NHSL1: variants seen among roughly 807,000 people sequenced by gnomAD.
The protein encoded by NHSL1 is NHS like 1, also known as NHS-like protein 1.
In NHSL1, 48 loss-of-function variants were observed where a neutral mutation model predicts 95.0. That is an observed-to-expected ratio of 0.51 (90% confidence interval 0.40 to 0.64). The LOEUF is 0.64. NHSL1 is among the 30% of genes least tolerant of loss of function. The pLI, the probability that NHSL1 is intolerant of heterozygous loss-of-function variation, is 0.00. For missense variants in NHSL1, 1,971 were observed against 2,077.7 expected, an observed-to-expected ratio of 0.95 and a Z score of 1.00; for synonymous variants, 783 against 833.9, an observed-to-expected ratio of 0.94 and a Z score of 1.05.
chr6:138,674,504 G>A (rs1051347669), intron 1 of NHSL1, among the ~76,000 whole-genome samples: 4 of 151,982 alleles, frequency 2.6e-5, no homozygotes, highest in African/African-American at 9.7e-5. Flanking sequence ...AGTAAGTGTT[G>A]TTCCCCTCCC....
At chr6:138,651,660 T>G (rs943469673) in intron 1 of NHSL1, among the ~76,000 whole-genome samples, 1 of 152,222 alleles carries the variant, frequency 6.6e-6, no homozygotes, top group African/African-American at 2.4e-5. Context: ...TATACTCATG[T>G]GAAGGATCTC....
In NHSL1 at chr6:138,431,810, G is replaced by A. The variant is rs753836688; in HGVS notation, c.2535C>T (p.Val845=). Residue 845 remains valine, a synonymous_variant, in exon 6 of 8, where the codon GTC becomes GTT. Transcript: ENST00000343505. The surrounding 1 kb of genome is among the most constrained non-coding windows in gnomAD (Gnocchi z 4.0). ...KIMSPEKSHR[V]ISPSSGYSSQ... ...TGGAATACCCACTGGATGGAGAAAT[G>A]ACTCTGTGTGACTTCTCTGGTGACA... The A allele has an allele frequency of 1.7e-5, 27 of 1,551,568 alleles. 1 individual carries two copies. In the South Asian group the frequency reaches 2.1e-4, roughly 12 times the overall value.
chr6:138,424,599 G>A lies in NHSL1; in HGVS notation c.4303C>T (p.Arg1435Cys). Reference protein sequence around the residue: ...KKGSRSDTSARMSAAEMLKNT... With the variant: ...KKGSRSDTSACMSAAEMLKNT... ...TTGAGCATCTCTGCTGCAGACATGC[G>A]GGCGCTGGTGTCTGAACGACTGCCC... Residue 1435 changes from arginine (R) to cysteine (C), a missense_variant, in exon 8 of 8, where the codon CGC becomes TGC. Arg to Cys is a radical substitution (Grantham distance 180). Transcript: ENST00000343505. The surrounding 1 kb of genome is among the most constrained non-coding windows in gnomAD (Gnocchi z 5.9). The A allele has an allele frequency of 6.4e-7, 1 of 1,551,554 alleles. No individual in the cohort carries two copies. Among genetic ancestry groups the A allele is most frequent in the Non-Finnish European group, 8.7e-7 (1 of 1,146,942 alleles).
chr6:138,658,099 A>C (rs972601914), intron 1 of NHSL1, among the ~76,000 whole-genome samples: 12 of 152,108 alleles, frequency 7.9e-5, no homozygotes, highest in African/African-American at 2.9e-4. Context: ...ATGGTCCATA[A>C]ATGAGGCTAT....
upstream of NHSL1, among the ~76,000 whole-genome samples, chr6:138,546,347 T>C (rs537629499): frequency 1.1e-4 from 16 of 144,572 alleles, 2 homozygotes; most frequent in South Asian, 3.5e-3. Context: ...TCCCAGAACT[T>C]TGGGAGACCA....
chr6:138,467,316 C>A (rs1427080098), intron 3 of NHSL1, among the ~76,000 whole-genome samples: 2 of 151,964 alleles, frequency 1.3e-5, no homozygotes, highest in Non-Finnish European at 2.9e-5. Flanking sequence ...CCTCGCCTGG[C>A]TAATTTTTTG....
At chr6:138,468,842 G>A (rs1778563570) in intron 3 of NHSL1, among the ~76,000 whole-genome samples, 1 of 152,174 alleles carries the variant, frequency 6.6e-6, no homozygotes, top group Non-Finnish European at 1.5e-5. Context: ...ATTACACAAT[G>A]CATGACTGTA....
At chr6:138,502,495 T>G (rs572878969), upstream of NHSL1, among the ~76,000 whole-genome samples, 1 of 152,220 alleles carries the variant, frequency 6.6e-6, no homozygotes, top group African/African-American at 2.4e-5. Flanking sequence ...AAAAAAAGTT[T>G]TTATAAAGAT....
At chr6:138,496,690 T>C (rs1780373611) in intron 1 of NHSL1, among the ~76,000 whole-genome samples, 1 of 152,160 alleles carries the variant, frequency 6.6e-6, no homozygotes, top group Non-Finnish European at 1.5e-5. Flanking sequence ...GATAGAGACC[T>C]CCAATTCCTA....
intron 3 of NHSL1, among the ~76,000 whole-genome samples, chr6:138,469,972 G>C (rs774648407): frequency 5.3e-5 from 8 of 152,066 alleles, no homozygotes; most frequent in Non-Finnish European, 1.0e-4. Context: ...GGGAGTGGGG[G>C]AGGCAGGAAG....
At chr6:138,496,106 T>C (rs1050278818) in intron 2 of NHSL1, 113 bp downstream of exon 2, 32 of 1,152,114 alleles carry the variant, frequency 2.8e-5, no homozygotes, top group Admixed American at 4.7e-5. Context: ...TATAAAGACG[T>C]AGCATACTAT....
At chr6:138,464,306 G>A in intron 3 of NHSL1, 1 of 674,058 alleles carries the variant, frequency 1.5e-6, no homozygotes, top group Non-Finnish European at 2.6e-6. Flanking sequence ...GGCGGACTGG[G>A]CCCTCAGCGC....
At chr6:138,458,558 G>T (rs1176262244) in intron 3 of NHSL1, among the ~76,000 whole-genome samples, 1 of 152,052 alleles carries the variant, frequency 6.6e-6, no homozygotes, top group Non-Finnish European at 1.5e-5. Context: ...GCTGGGCGTG[G>T]TGGCTCACAC....
chr6:138,499,551 C>T (rs1226023627), upstream of NHSL1: 3 of 582,944 alleles, frequency 5.1e-6, no homozygotes, highest in East Asian at 9.8e-5. Context: ...TGACATCGTG[C>T]GCTGAAAGAA....
intron 3 of NHSL1, among the ~76,000 whole-genome samples, chr6:138,455,514 C>T (rs62432503): frequency 5.3e-4 from 39 of 73,168 alleles, no homozygotes; most frequent in Non-Finnish European, 7.6e-4. Flanking sequence ...TTCACATGCT[C>T]CCTGCAAGGA....
intron 1 of NHSL1, among the ~76,000 whole-genome samples, chr6:138,666,497 CAGG>C (rs1785296437): frequency 1.4e-5 from 2 of 147,816 alleles, no homozygotes; most frequent in South Asian, 4.2e-4. Flanking sequence ...GAGGCTGGGG[CAGG>C]AGAATGACGT....
chr6:138,488,277 CA>C (rs72245938), intron 2 of NHSL1, among the ~76,000 whole-genome samples: 234 of 143,204 alleles, frequency 1.6e-3, no homozygotes, highest in Admixed American at 3.3e-3. Flanking sequence ...GACTCTGTCT[CA>C]AAAAAAAAAA....
At chr6:138,541,526 A>G (rs1328131313) in intron 1 of NHSL1, among the ~76,000 whole-genome samples, 1 of 152,226 alleles carries the variant, frequency 6.6e-6, no homozygotes, top group African/African-American at 2.4e-5. Flanking sequence ...TGTTATACTA[A>G]TAAGGGGGAC....
intron 1 of NHSL1, among the ~76,000 whole-genome samples, chr6:138,666,632 T>C (rs1389127986): frequency 6.7e-6 from 1 of 149,456 alleles, no homozygotes; most frequent in Non-Finnish European, 1.5e-5. Context: ...CAAATCTGTA[T>C]GAACAGACAT....
Sources: allele counts gnomAD v4.1 joint callset (sites outside exome capture counted in the v4.1 genomes callset), GRCh38; gene constraint gnomAD v4.1.1; non-coding constraint Gnocchi (gnomAD v3.1); transcripts MANE v1.5; gene names NCBI Gene and HGNC (gene_info 2026-07-23, HGNC 2026-07-21).